PDE8B: variants seen among roughly 807,000 people sequenced by gnomAD.
The protein encoded by PDE8B is high affinity cAMP-specific and IBMX-insensitive 3',5'-cyclic phosphodiesterase 8B.
Under a neutral mutation model 101.3 loss-of-function variants are expected in PDE8B, and 26 were observed. That is an observed-to-expected ratio of 0.26 (90% CI 0.19 to 0.36). The LOEUF (loss-of-function observed/expected upper bound fraction) is 0.36. Ranked by LOEUF, PDE8B falls within the 10% of genes least tolerant of loss-of-function variation. The pLI is 1.00. For synonymous variants in PDE8B, 424 were observed against 429.3 expected (o/e 0.99, Z 0.15); for missense variants, 810 against 1,163.1 (o/e 0.70, Z 4.42).
At position 77,390,070 on chromosome 5, in the gene PDE8B, G is replaced by T. The variant is rs141007376; in HGVS notation, c.1168-10178G>T. ...CCTCCAACTATGTATGAGAGTTCCA[G>T]TTGTTCCATAGCCTTGACAAAACTT... On this transcript the variant is annotated intron_variant, in intron 10 of 21. Coordinates refer to ENST00000264917, the MANE Select transcript of PDE8B (RefSeq NM_003719.5). Among the ~76,000 whole-genome samples, 23 of 152,304 alleles carry T rather than the reference G, an allele frequency of 1.5e-4. No homozygotes were observed. In the East Asian group the frequency reaches 4.0e-3, roughly 27 times the overall value.
At chr5:77,175,561 A>G in the PDE8B span, among the ~76,000 whole-genome samples, 1 of 152,246 alleles carries the variant, frequency 6.6e-6, no homozygotes, top group Non-Finnish European at 1.5e-5. Context: ...GCTTCTCTCT[A>G]TTACAGTAAG....
chr5:77,255,974 A>T lies in PDE8B; in HGVS notation c.339+44710A>T, dbSNP rs535208590. On this transcript the variant is annotated intron_variant, in intron 1 of 21. Coordinates refer to ENST00000264917, the MANE Select transcript of PDE8B (RefSeq NM_003719.5). The stretch of plus-strand genomic sequence containing the variant: ...TTGGAGTAAGCCCTGCCAACTGTGT[A>T]GTGTGCCCTGGCTGTAGAAGTGAGT... Among the ~76,000 whole-genome samples the T allele has an allele frequency of 2.0e-5, 3 of 152,212 alleles. No homozygotes were observed. The East Asian group carries it at 5.8e-4, about 29-fold the overall frequency.
At chr5:77,180,967 C>CGTGT in the PDE8B span, among the ~76,000 whole-genome samples, 7,020 of 147,562 alleles carry the variant, frequency 0.048, 242 homozygotes, top group African/African-American at 0.099. Flanking sequence ...GGTGTGTACA[C>CGTGT]GTGTGTGTGT....
At chr5:77,416,159 A>G (rs1026222572) in intron 17 of PDE8B, among the ~76,000 whole-genome samples, 2 of 152,164 alleles carry the variant, frequency 1.3e-5, no homozygotes, top group African/African-American at 4.8e-5. Flanking sequence ...TGCAGGACCC[A>G]TTATTGGTAT....
At chr5:77,214,519 A>G (rs114147299) in intron 1 of PDE8B, among the ~76,000 whole-genome samples, 1,572 of 152,308 alleles carry the variant, frequency 0.01, 35 homozygotes, top group African/African-American at 0.035. Flanking sequence ...AATCTCCTGT[A>G]AAATGGTGTG....
chr5:77,180,667 C>T, the PDE8B span, among the ~76,000 whole-genome samples: 3 of 152,246 alleles, frequency 2.0e-5, no homozygotes, highest in African/African-American at 7.2e-5. Flanking sequence ...CCAACTACCT[C>T]CTTCCTTTCC....
chr5:77,351,089 A>G lies in PDE8B; in HGVS notation c.1042A>G (p.Arg348Gly). 6.2e-7 allele frequency: 1 copy of G among 1,614,094 alleles called. No homozygotes were observed. Among genetic ancestry groups the G allele is most frequent in the Non-Finnish European group, 8.5e-7 (1 of 1,179,930 alleles). ...GKEWQGVYYA[R>G]RKSGDSIQQH... ...GGAGTGGCAGGGGGTTTACTATGCC[A>G]GACGGAAATCCGGGGACAGCATCCA... The change falls in exon 9 of 22, where the codon AGA becomes GGA. Residue 348 changes from arginine (R) to glycine (G), a missense_variant. Transcript: ENST00000264917.
chr5:77,172,872 T>C, the PDE8B span, among the ~76,000 whole-genome samples: 31 of 152,110 alleles, frequency 2.0e-4, no homozygotes, highest in Non-Finnish European at 4.1e-4. Flanking sequence ...CTGGCTTCCA[T>C]CCCTCCACCA....
chr5:77,231,777 C>T (rs139025968), intron 1 of PDE8B, among the ~76,000 whole-genome samples: 4 of 152,338 alleles, frequency 2.6e-5, no homozygotes, highest in East Asian at 1.9e-4. Context: ...TAGCCCTTAC[C>T]GGCCCTAGGA....
At chr5:77,420,156 A>G (rs544051800) in intron 19 of PDE8B, among the ~76,000 whole-genome samples, 3 of 152,326 alleles carry the variant, frequency 2.0e-5, no homozygotes, top group East Asian at 3.9e-4. Context: ...AAGGAGACGC[A>G]GACGAACAGA....
the PDE8B span, among the ~76,000 whole-genome samples, chr5:77,184,805 C>G: frequency 6.6e-6 from 1 of 151,606 alleles, no homozygotes; most frequent in South Asian, 2.1e-4. Context: ...CATAGTGAGA[C>G]CCTTCTTTAA....
intron 17 of PDE8B, among the ~76,000 whole-genome samples, chr5:77,414,251 C>T (rs1795090284): frequency 6.6e-6 from 1 of 152,132 alleles, no homozygotes; most frequent in Non-Finnish European, 1.5e-5. Context: ...GATATTTATT[C>T]ACTTTCATCA....
chr5:77,216,092 A>G (rs1224675078), intron 1 of PDE8B, among the ~76,000 whole-genome samples: 2 of 152,214 alleles, frequency 1.3e-5, no homozygotes, highest in Admixed American at 6.5e-5. Flanking sequence ...GAGTCTGGGC[A>G]GGAAACAGAC....
intron 10 of PDE8B, among the ~76,000 whole-genome samples, chr5:77,377,985 T>A (rs964856862): frequency 2.1e-4 from 31 of 147,552 alleles, no homozygotes; most frequent in African/African-American, 7.4e-4. Flanking sequence ...CTCAGCTCGC[T>A]TGCTCGCTCT....
chr5:77,250,354 A>G (rs997941367), intron 1 of PDE8B, among the ~76,000 whole-genome samples: 10 of 152,168 alleles, frequency 6.6e-5, no homozygotes, highest in Non-Finnish European at 1.3e-4. Context: ...AATGGAATCC[A>G]GTTACTCCCT....
chr5:77,361,255 T>C (rs532409995), intron 10 of PDE8B, among the ~76,000 whole-genome samples: 45 of 152,272 alleles, frequency 3.0e-4, no homozygotes, highest in African/African-American at 7.9e-4. Flanking sequence ...ATCAAGAAAA[T>C]TGGCAAACTC....
chr5:77,133,387 A>G, the PDE8B span, among the ~76,000 whole-genome samples: 2 of 152,254 alleles, frequency 1.3e-5, no homozygotes, highest in Non-Finnish European at 2.9e-5. Context: ...GATCAATGAC[A>G]ATAAACGACT....
At chr5:77,228,497 G>C (rs1050589118) in intron 1 of PDE8B, among the ~76,000 whole-genome samples, 4 of 152,038 alleles carry the variant, frequency 2.6e-5, no homozygotes, top group Non-Finnish European at 5.9e-5. Flanking sequence ...TGCAGTGTCT[G>C]GATGTCTGAG....
chr5:77,157,186 C>T, the PDE8B span, among the ~76,000 whole-genome samples: 1 of 152,106 alleles, frequency 6.6e-6, no homozygotes, highest in African/African-American at 2.4e-5. Flanking sequence ...AAAATCAATC[C>T]CATGCATTAA....
Sources: allele counts gnomAD v4.1 joint callset (sites outside exome capture counted in the v4.1 genomes callset), GRCh38; gene constraint gnomAD v4.1.1; transcripts MANE v1.5; gene names NCBI Gene and HGNC (gene_info 2026-07-23, HGNC 2026-07-21).